MYO10: variants seen among roughly 807,000 people sequenced by gnomAD.
MYO10 encodes myosin X, also known as unconventional myosin-X.
Under a neutral mutation model 257.3 loss-of-function variants are expected in MYO10, and 133 were observed. The observed-to-expected ratio is 0.52, with a 90% confidence interval of 0.45 to 0.60. The LOEUF (loss-of-function observed/expected upper bound fraction) is 0.60. Ranked by LOEUF, MYO10 falls within the 20% of genes least tolerant of loss-of-function variation. The pLI is 0.00. For missense variants in MYO10, 2,399 were observed against 2,635.7 expected, an observed-to-expected ratio of 0.91 and a Z score of 1.97; for synonymous variants, 1,104 against 1,028.6, an observed-to-expected ratio of 1.07 and a Z score of -1.40.
At chr5:16,718,029 T>A (rs1738954055) in intron 19 of MYO10, among the ~76,000 whole-genome samples, 1 of 152,114 alleles carries the variant, frequency 6.6e-6, no homozygotes, top group Non-Finnish European at 1.5e-5. Flanking sequence ...GTGGGCTTGG[T>A]GGGCCCCGCA....
intron 19 of MYO10, among the ~76,000 whole-genome samples, chr5:16,720,794 T>A (rs1739126564): frequency 6.6e-6 from 1 of 152,258 alleles, no homozygotes; most frequent in African/African-American, 2.4e-5. Flanking sequence ...TGACCTACTT[T>A]AAATGAAATA....
rs767849367 is a variant in MYO10 at position 16,674,963 on chromosome 5, G to C, written c.4854C>G (p.Pro1618=). The change falls in exon 35 of 41, where the codon CCC becomes CCG. Residue 1618 remains proline, a synonymous_variant. Transcript: ENST00000513610. The part of the protein sequence containing the change: ...CQLIKQTNKV[P]HPGSVGNLYS... ...ACAGGTTGCCCACACTGCCGGGGTG[G>C]GGCACTTTGTTGGTCTGTTTGATAA... 23 of 1,613,864 alleles carry C rather than the reference G, an allele frequency of 1.4e-5. No homozygotes were observed. Among genetic ancestry groups the C allele is most frequent in the Non-Finnish European group, 1.9e-5 (23 of 1,179,900 alleles).
intron 31 of MYO10, 21 bp downstream of exon 31, chr5:16,681,850 G>A: frequency 1.9e-6 from 3 of 1,611,838 alleles, no homozygotes; most frequent in Non-Finnish European, 2.5e-6. Context: ...AGCAGACCGA[G>A]GAAGCAGGGC....
chr5:16,680,185 TCA>T, intron 32 of MYO10, 81 bp from the exon 33 acceptor site: 1 of 1,481,168 alleles, frequency 6.8e-7, no homozygotes, highest in Non-Finnish European at 9.1e-7. Flanking sequence ...CTCTCTGACC[TCA>T]GTCCCTTTAA....
intron 1 of MYO10, among the ~76,000 whole-genome samples, chr5:16,931,276 CAATAAT>C (rs1253929995): frequency 2.0e-5 from 3 of 151,774 alleles, no homozygotes; most frequent in East Asian, 3.8e-4. Context: ...CATCTCAAAA[CAATAAT>C]AATAATAATA....
chr5:16,829,691 C>T (rs1419831783), intron 2 of MYO10, among the ~76,000 whole-genome samples: 2 of 152,144 alleles, frequency 1.3e-5, no homozygotes, highest in Admixed American at 1.3e-4. Flanking sequence ...CATCCAGGGG[C>T]TAGTGTGCCA....
At chr5:16,743,319 T>A (rs916525888) in intron 19 of MYO10, among the ~76,000 whole-genome samples, 1 of 152,060 alleles carries the variant, frequency 6.6e-6, no homozygotes, top group Admixed American at 6.5e-5. Flanking sequence ...CTTGTCCATA[T>A]CATTCACCAG....
intron 1 of MYO10, among the ~76,000 whole-genome samples, chr5:16,918,750 C>A (rs1745898392): frequency 6.6e-6 from 1 of 152,092 alleles, no homozygotes. Flanking sequence ...ATCCGCCTGC[C>A]TCAGCCTCCC....
chr5:16,816,168 G>C (rs908606320), intron 3 of MYO10, among the ~76,000 whole-genome samples: 2 of 151,548 alleles, frequency 1.3e-5, no homozygotes, highest in Non-Finnish European at 1.5e-5. Context: ...TGGTGACCTT[G>C]TCTCTACTGA....
intron 19 of MYO10, among the ~76,000 whole-genome samples, chr5:16,747,457 A>G (rs1740228792): frequency 6.6e-6 from 1 of 152,216 alleles, no homozygotes; most frequent in African/African-American, 2.4e-5. Flanking sequence ...GAGCACCTAT[A>G]AATAGTCTGG....
chr5:16,899,948 A>G (rs1275282646), intron 1 of MYO10, among the ~76,000 whole-genome samples: 1 of 146,268 alleles, frequency 6.8e-6, no homozygotes, highest in Non-Finnish European at 1.5e-5. Context: ...CAGTGAGCAG[A>G]GATCGCAGCA....
chr5:16,671,629 C>T, intron 37 of MYO10, 87 bp from the exon 38 acceptor site: 1 of 1,504,692 alleles, frequency 6.6e-7, no homozygotes, highest in East Asian at 2.3e-5. Context: ...ATGGTGTATT[C>T]TAAGGACACA....
At chr5:16,834,770 T>A (rs182961214) in intron 2 of MYO10, among the ~76,000 whole-genome samples, 37 of 152,376 alleles carry the variant, frequency 2.4e-4, no homozygotes, top group African/African-American at 8.4e-4. Flanking sequence ...CAAATATGAA[T>A]ACACCTCTTA....
chr5:16,681,172 C>G, intron 32 of MYO10, 137 bp downstream of exon 32: 1 of 922,934 alleles, frequency 1.1e-6, no homozygotes, highest in South Asian at 1.8e-5. Flanking sequence ...CCCAGACAGG[C>G]TTAGAAGATA....
At chr5:16,863,213 A>T (rs941499708) in intron 2 of MYO10, among the ~76,000 whole-genome samples, 28 of 152,208 alleles carry the variant, frequency 1.8e-4, no homozygotes, top group Non-Finnish European at 1.6e-4. Context: ...TATTTAATGC[A>T]TGTGCATTCG....
chr5:16,702,929 C>T lies in MYO10; in HGVS notation c.2506G>A (p.Glu836Lys). 6.4e-7 allele frequency: 1 copy of T among 1,551,186 alleles called. No homozygotes were observed. The highest frequency in any genetic ancestry group is 2.0e-5 in the Admixed American group (1 of 50,916). Residue 836 changes from glutamate (E) to lysine (K), a missense_variant, in exon 23 of 41, where the codon GAA becomes AAA. Transcript: ENST00000513610. ...EEEKKKREEEERERERERREA... is the reference protein window; with the variant it reads ...EEEKKKREEEKRERERERREA... ...CCAGCAAGAAAGGTACTGTACCTTT[C>T]TTCTTCCTCCCGTTTCTTCTTTTCT... is the stretch of plus-strand genomic sequence containing the variant.
At chr5:16,873,388 G>A (rs1242105934) in intron 2 of MYO10, among the ~76,000 whole-genome samples, 3 of 152,198 alleles carry the variant, frequency 2.0e-5, no homozygotes, top group Non-Finnish European at 4.4e-5. Context: ...GCAGGGTACT[G>A]CCTCTCTCCC....
intron 3 of MYO10, among the ~76,000 whole-genome samples, chr5:16,816,953 G>A (rs558412989): frequency 2.0e-5 from 3 of 152,232 alleles, no homozygotes; most frequent in African/African-American, 4.8e-5. Flanking sequence ...CTGAGTAGCC[G>A]GGATTACAGG....
intron 1 of MYO10, among the ~76,000 whole-genome samples, chr5:16,880,094 T>C (rs1409154147): frequency 6.6e-6 from 1 of 152,138 alleles, no homozygotes; most frequent in East Asian, 1.9e-4. Context: ...GCAGGAGAAT[T>C]GCTTGAAACC....
Sources: allele counts gnomAD v4.1 joint callset (sites outside exome capture counted in the v4.1 genomes callset), GRCh38; gene constraint gnomAD v4.1.1; transcripts MANE v1.5; gene names NCBI Gene and HGNC (gene_info 2026-07-23, HGNC 2026-07-21).